XXYLT1: variants seen among roughly 807,000 people sequenced by gnomAD.
The protein encoded by XXYLT1 is xyloside xylosyltransferase 1.
XXYLT1 carries 20 observed loss-of-function variants against 28.9 expected under a neutral mutation model. That is an observed-to-expected ratio of 0.69 (90% CI 0.49 to 1.00). The LOEUF is 1.00. XXYLT1 is among the 50% of genes least tolerant of loss of function. The probability of loss-of-function intolerance (pLI) is 0.00; values close to 1 mark genes in which losing one functional copy is unlikely to be tolerated. For missense variants in XXYLT1, 542 were observed against 560.1 expected, an observed-to-expected ratio of 0.97 and a Z score of 0.33; for synonymous variants, 257 against 253.8, an observed-to-expected ratio of 1.01 and a Z score of -0.12.
At chr3:195,213,602 G>A (rs555590931) in intron 2 of XXYLT1, among the ~76,000 whole-genome samples, 34 of 152,306 alleles carry the variant, frequency 2.2e-4, no homozygotes, top group African/African-American at 6.7e-4. Flanking sequence ...TGGAAAACCC[G>A]CTCTCAGAAT....
intron 3 of XXYLT1, among the ~76,000 whole-genome samples, chr3:195,085,135 G>A (rs1029376282): frequency 2.6e-5 from 4 of 152,248 alleles, no homozygotes; most frequent in Non-Finnish European, 5.9e-5. Context: ...ACGAGGTCAA[G>A]TAGGAAAAGA....
intron 3 of XXYLT1, among the ~76,000 whole-genome samples, chr3:195,087,935 G>A (rs150936791): frequency 0.089 from 13,528 of 151,844 alleles, 887 homozygotes; most frequent in East Asian, 0.28. Context: ...AGACGCACCT[G>A]GAAAATCGGG....
At position 195,221,487 on chromosome 3, in the gene XXYLT1, G is replaced by C. The variant is rs74435573; in HGVS notation, c.652+5222C>G. ...ACAAAGGATTGACTGCAGGACAGGA[G>C]AGCCTTCCAGGGGTGCATGGGGGAT... On this transcript the variant is annotated intron_variant, in intron 2 of 3. Transcript: ENST00000310380. 6.2e-3 allele frequency among the ~76,000 whole-genome samples: 942 copies of C among 152,350 alleles called. 9 individuals carry two copies. Among genetic ancestry groups the C allele is most frequent in the Middle Eastern group, 0.048 (14 of 294 alleles).
chr3:195,080,012 T>C (rs1715340292), intron 3 of XXYLT1, among the ~76,000 whole-genome samples: 1 of 152,086 alleles, frequency 6.6e-6, no homozygotes, highest in Admixed American at 6.6e-5. Flanking sequence ...GATGGATTAA[T>C]GAAGGAAGGC....
At chr3:195,131,207 G>A (rs997900496) in intron 3 of XXYLT1, among the ~76,000 whole-genome samples, 9 of 152,134 alleles carry the variant, frequency 5.9e-5, no homozygotes, top group Non-Finnish European at 1.3e-4. Flanking sequence ...CCCCCACATT[G>A]CTCAAACACC....
chr3:195,071,496 G>C (rs984558406), intron 3 of XXYLT1, among the ~76,000 whole-genome samples: 13 of 152,314 alleles, frequency 8.5e-5, no homozygotes, highest in African/African-American at 2.6e-4. Context: ...ATCCTGGCGA[G>C]GGGGAAGCAT....
chr3:195,226,857 C>G lies in XXYLT1; in HGVS notation c.505-1G>C, dbSNP rs201922399. Reference sequence around the variant, plus strand: ...GCACAGCAACATCGTGGAAGATGACCTGCAGCAGGTGCAAAAAAAACCAAG... The same window carrying G: ...GCACAGCAACATCGTGGAAGATGACGTGCAGCAGGTGCAAAAAAAACCAAG... On this transcript the variant is annotated splice_acceptor_variant, in intron 1 of 3. Coordinates refer to ENST00000310380, the MANE Select transcript of XXYLT1 (RefSeq NM_152531.5). LOFTEE classifies it high-confidence loss of function. 452 of 1,612,658 alleles carry G rather than the reference C, an allele frequency of 2.8e-4. 1 individual carries two copies. Among genetic ancestry groups the G allele is most frequent in the Non-Finnish European group, 3.3e-5 (39 of 1,179,596 alleles).
chr3:195,181,020 G>C (rs1721924397), intron 2 of XXYLT1, among the ~76,000 whole-genome samples: 1 of 152,246 alleles, frequency 6.6e-6, no homozygotes, highest in Admixed American at 6.5e-5. Flanking sequence ...CCGTGAGAGG[G>C]AAAGACAAGG....
At position 195,069,776 on chromosome 3, in the gene XXYLT1, C is replaced by A; in HGVS notation, c.1121G>T (p.Arg374Met). The A allele has an allele frequency of 1.2e-6, 2 of 1,614,040 alleles. No individual in the cohort carries two copies. Among genetic ancestry groups the A allele is most frequent in the Non-Finnish European group, 1.7e-6 (2 of 1,180,020 alleles). ...GTAGATCTTGACGTGGCCCTCACAC[C>A]TGAAATAGGCCTCGAAGACGTCACT... ...GYSDVFEAYF[R>M]CEGHVKIYHG... Residue 374 changes from arginine (R) to methionine (M), a missense_variant, in exon 4 of 4, where the codon AGG becomes ATG. Arg to Met is a moderately conservative substitution (Grantham distance 91, BLOSUM62 -1). Coordinates refer to ENST00000310380, the MANE Select transcript of XXYLT1 (RefSeq NM_152531.5).
At chr3:195,112,432 ACACACGCACG>A (rs1164811823) in intron 3 of XXYLT1, among the ~76,000 whole-genome samples, 4 of 109,074 alleles carry the variant, frequency 3.7e-5, no homozygotes, top group African/African-American at 1.3e-4. Flanking sequence ...ACACATGCAC[ACACACGCACG>A]CACACCCACA....
chr3:195,271,143 C>A lies in XXYLT1; in HGVS notation c.-85G>T. ...GACGCCGGCGGCCACTTAGCCCCGG[C>A]GCCAGGCGGCGGCCATGAAAGGGGC... is the stretch of plus-strand genomic sequence containing the variant. On this transcript the variant is annotated 5_prime_UTR_variant, in exon 1 of 4. Coordinates refer to ENST00000310380, the MANE Select transcript of XXYLT1 (RefSeq NM_152531.5). The A allele has an allele frequency of 8.0e-7, 1 of 1,254,022 alleles. No homozygotes were observed. The highest frequency in any genetic ancestry group is 1.0e-6 in the Non-Finnish European group (1 of 1,000,566). 77.7% of individuals were successfully genotyped at this position (1,254,022 alleles called of 1,614,324 possible).
intron 1 of XXYLT1, among the ~76,000 whole-genome samples, chr3:195,249,052 G>A (rs182757429): frequency 1.3e-5 from 2 of 152,278 alleles, no homozygotes; most frequent in African/African-American, 4.8e-5. Context: ...ACAGCTCTAG[G>A]GCACTGGGAA....
chr3:195,114,518 C>T (rs1345902100), intron 3 of XXYLT1, among the ~76,000 whole-genome samples: 1 of 152,212 alleles, frequency 6.6e-6, no homozygotes, highest in Non-Finnish European at 1.5e-5. Context: ...GCACTTGAAA[C>T]ACATCTGTCC....
intron 2 of XXYLT1, chr3:195,175,999 T>C: frequency 2.0e-6 from 2 of 981,494 alleles, no homozygotes; most frequent in Non-Finnish European, 2.6e-6. Context: ...AGTGTATACG[T>C]AGCAGCTTAA....
intron 3 of XXYLT1, among the ~76,000 whole-genome samples, chr3:195,112,420 ACACACATGCACACACACGCACG>A (rs1717774875): frequency 8.7e-6 from 1 of 114,358 alleles, no homozygotes; most frequent in Non-Finnish European, 2.1e-5. Flanking sequence ...GCGCGCACAC[ACACACATGCACACACACGCACG>A]CACACCCACA....
At chr3:195,211,732 A>C (rs986658580) in intron 2 of XXYLT1, among the ~76,000 whole-genome samples, 5 of 152,248 alleles carry the variant, frequency 3.3e-5, no homozygotes, top group Middle Eastern at 3.2e-3. Context: ...TTCATCACAG[A>C]AGATGAGCAC....
chr3:195,123,863 C>T (rs1178088495), intron 3 of XXYLT1, among the ~76,000 whole-genome samples: 1 of 152,184 alleles, frequency 6.6e-6, no homozygotes, highest in Admixed American at 6.5e-5. Flanking sequence ...ACCCTAATTC[C>T]AGCACACAGA....
At chr3:195,185,725 G>GCATCTTCACTTTCTC (rs148495124) in intron 2 of XXYLT1, among the ~76,000 whole-genome samples, 7,017 of 151,942 alleles carry the variant, frequency 0.046, 585 homozygotes, top group African/African-American at 0.16. Flanking sequence ...AATGGGGACG[G>GCATCTTCACTTTCTC]CATCTTCACT....
chr3:195,270,727 T>A lies in XXYLT1; in HGVS notation c.332A>T (p.Asn111Ile). 6.3e-7 allele frequency: 1 copy of A among 1,590,716 alleles called. No individual in the cohort carries two copies. Among genetic ancestry groups the A allele is most frequent in the South Asian group, 1.1e-5 (1 of 88,488 alleles). Reference protein sequence around the residue: ...LLMMFTKAEHNAALQAKARVA... With the variant: ...LLMMFTKAEHIAALQAKARVA... The stretch of plus-strand genomic sequence containing the variant: ...GCGGGCCTTGGCCTGCAGCGCGGCA[T>A]TGTGCTCCGCCTTGGTGAACATCAT... Residue 111 changes from asparagine to isoleucine, a missense_variant, in exon 1 of 4, where the codon AAT becomes ATT. Coordinates refer to ENST00000310380, the MANE Select transcript of XXYLT1 (RefSeq NM_152531.5).
Sources: gnomAD v4.1 joint callset for allele counts (sites outside exome capture counted in the v4.1 genomes callset) on GRCh38, gnomAD v4.1.1 for gene constraint, MANE v1.5 for transcripts, NCBI Gene and HGNC (gene_info 2026-07-23, HGNC 2026-07-21) for gene names.